The following BZW2 variants were observed in gnomAD, a reference collection of about 807,000 sequenced individuals.
The protein encoded by BZW2 is eIF5-mimic protein 1.
BZW2 carries 23 observed loss-of-function variants against 53.2 expected under a neutral mutation model. That is an observed-to-expected ratio of 0.43 (90% CI 0.31 to 0.61). The LOEUF is 0.61. Ranked by LOEUF, BZW2 falls within the 20% of genes least tolerant of loss-of-function variation. The pLI, the probability that BZW2 is intolerant of heterozygous loss-of-function variation, is 0.09. For synonymous variants in BZW2, 227 were observed against 186.4 expected (o/e 1.22, Z -1.77); for missense variants, 409 against 503.1 (o/e 0.81, Z 1.79).
intron 1 of BZW2, among the ~76,000 whole-genome samples, chr7:16,657,980 G>C (rs988904165): frequency 2.0e-5 from 3 of 152,180 alleles, no homozygotes; most frequent in Non-Finnish European, 4.4e-5. Context: ...TTTTCTAAAA[G>C]CCAAAGTATG....
At position 16,688,626 on chromosome 7, in the gene BZW2, T is replaced by A. The variant is rs190154103; in HGVS notation, c.542-1171T>A. On this transcript the variant is annotated intron_variant, in intron 6 of 11. Coordinates refer to ENST00000258761, the MANE Select transcript of BZW2 (RefSeq NM_014038.3). ...AGAATAGAGGCTGCTTAGGCCACAT[T>A]ATCATTAGCTCATAACAATAGTAGA... 1.6e-3 allele frequency: 250 copies of A among 152,344 alleles called. 1 individual carries two copies. Among genetic ancestry groups the A allele is most frequent in the African/African-American group, 5.7e-3 (237 of 41,594 alleles). The allele number at this position is 152,344 out of a possible 1,614,324, so 9.4% of individuals were successfully genotyped here.
intron 6 of BZW2, chr7:16,686,956 A>G (rs1480346928): frequency 6.6e-6 from 1 of 152,192 alleles, no homozygotes; most frequent in African/African-American, 2.4e-5. Flanking sequence ...ATTTCCCTGA[A>G]GAAAATTCAC....
intron 8 of BZW2, chr7:16,696,086 C>G (rs1371821386): frequency 6.6e-6 from 1 of 152,020 alleles, no homozygotes; most frequent in Non-Finnish European, 1.5e-5. Flanking sequence ...CATTTCTACA[C>G]TCCAGGCCAG....
chr7:16,699,469 C>T (rs3779049), intron 10 of BZW2, among the ~76,000 whole-genome samples: 9,751 of 152,242 alleles, frequency 0.064, 491 homozygotes, highest in East Asian at 0.19. Flanking sequence ...GCAGAGAGAC[C>T]TATGGGACAG....
At chr7:16,648,114 A>T (rs997180468) in intron 1 of BZW2, among the ~76,000 whole-genome samples, 1 of 152,244 alleles carries the variant, frequency 6.6e-6, no homozygotes, top group African/African-American at 2.4e-5. Flanking sequence ...ACAGATTCAT[A>T]ATGGGTACTG....
At chr7:16,665,004 A>G (rs1437601302) in intron 1 of BZW2, among the ~76,000 whole-genome samples, 2 of 152,212 alleles carry the variant, frequency 1.3e-5, no homozygotes, top group Non-Finnish European at 2.9e-5. Flanking sequence ...AGTTAAAATT[A>G]GATCTCATTT....
chr7:16,678,087 CTT>C (rs71007780), intron 3 of BZW2, among the ~76,000 whole-genome samples: 8 of 66,914 alleles, frequency 1.2e-4, no homozygotes, highest in East Asian at 1.1e-3. Context: ...TTCCATTGTT[CTT>C]TTTTTTTTTT....
chr7:16,685,878 T>TTTTTTTTTTTTTTTTTTTTTC, intron 5 of BZW2, 27 bp from the exon 6 acceptor site: 1 of 311,644 alleles, frequency 3.2e-6, no homozygotes, highest in Admixed American at 5.6e-5. Context: ...TTCTTTTTCT[T>TTTTTTTTTTTTTTTTTTTTTC]TTTTTTTTTT....
chr7:16,678,603 G>A (rs138036393), intron 3 of BZW2, among the ~76,000 whole-genome samples: 1 of 152,230 alleles, frequency 6.6e-6, no homozygotes, highest in Non-Finnish European at 1.5e-5. Flanking sequence ...AAAGTCTGTA[G>A]TTTCAATATC....
At position 16,665,448 on chromosome 7, in the gene BZW2, A is replaced by G. The variant is rs777976475; in HGVS notation, c.5A>G (p.Asn2Ser). The G allele has an allele frequency of 3.1e-6, 5 of 1,614,052 alleles. No homozygotes were observed. Among genetic ancestry groups the G allele is most frequent in the Non-Finnish European group, 4.2e-6 (5 of 1,180,038 alleles). The change falls in exon 2 of 12, where the codon AAT becomes AGT. Residue 2 changes from asparagine to serine, a missense_variant. Coordinates refer to ENST00000258761, the MANE Select transcript of BZW2 (RefSeq NM_014038.3). ...TTCTTTGTTTTCAGAAATTTTATGA[A>G]TAAGCATCAGAAGCCAGTGCTAACA... Reference protein sequence around the residue: MNKHQKPVLTGQ... With the variant: MSKHQKPVLTGQ...
At chr7:16,654,516 C>T (rs1782071710) in intron 1 of BZW2, among the ~76,000 whole-genome samples, 1 of 141,228 alleles carries the variant, frequency 7.1e-6, no homozygotes, top group South Asian at 2.6e-4. Context: ...ATAACCCCCC[C>T]CCCCCAAAAA....
intron 7 of BZW2, among the ~76,000 whole-genome samples, chr7:16,690,494 C>A (rs765519869): frequency 4.6e-5 from 7 of 152,106 alleles, no homozygotes; most frequent in Non-Finnish European, 1.0e-4. Flanking sequence ...CGTGAGCCAC[C>A]ACACTCAGCC....
chr7:16,698,919 A>G (rs1783584527), intron 10 of BZW2, among the ~76,000 whole-genome samples: 1 of 152,350 alleles, frequency 6.6e-6, no homozygotes, highest in Non-Finnish European at 1.5e-5. Flanking sequence ...GTTCATAAAT[A>G]TCATATCAGA....
At chr7:16,700,501 C>T (rs1783632808) in intron 10 of BZW2, among the ~76,000 whole-genome samples, 2 of 152,146 alleles carry the variant, frequency 1.3e-5, no homozygotes, top group Non-Finnish European at 2.9e-5. Flanking sequence ...TAAAGCACTC[C>T]TTTCCTAATA....
At chr7:16,647,028 G>A (rs924060175) in intron 1 of BZW2, among the ~76,000 whole-genome samples, 2 of 152,110 alleles carry the variant, frequency 1.3e-5, no homozygotes, top group African/African-American at 2.4e-5. Flanking sequence ...TATAGCCTTA[G>A]ATTAGCCTCT....
chr7:16,685,128 C>T (rs545103865), intron 5 of BZW2, among the ~76,000 whole-genome samples: 2 of 152,276 alleles, frequency 1.3e-5, no homozygotes, highest in East Asian at 3.9e-4. Flanking sequence ...AGAGGAGAGT[C>T]AGGAGAGAGA....
intron 8 of BZW2, among the ~76,000 whole-genome samples, chr7:16,696,515 C>A (rs1783494122): frequency 6.7e-6 from 1 of 149,584 alleles, no homozygotes; most frequent in Non-Finnish European, 1.5e-5. Context: ...AAGATGGTAT[C>A]CATCAAGAGG....
At chr7:16,677,093 G>A (rs1413667420) in intron 3 of BZW2, among the ~76,000 whole-genome samples, 1 of 147,328 alleles carries the variant, frequency 6.8e-6, no homozygotes, top group Non-Finnish European at 1.5e-5. Context: ...TTAATGGAGT[G>A]AAAACAGAGC....
At chr7:16,679,955 A>T (rs1239046862) in intron 3 of BZW2, among the ~76,000 whole-genome samples, 1 of 152,176 alleles carries the variant, frequency 6.6e-6, no homozygotes, top group African/African-American at 2.4e-5. Context: ...GGACCCTTTG[A>T]ATATGGAAAG....
Sources: allele counts gnomAD v4.1 joint callset (sites outside exome capture counted in the v4.1 genomes callset), GRCh38; gene constraint gnomAD v4.1.1; transcripts MANE v1.5; gene names NCBI Gene and HGNC (gene_info 2026-07-23, HGNC 2026-07-21).